DAG1: variants seen among roughly 807,000 people sequenced by gnomAD.
The protein encoded by DAG1 is dystroglycan 1.
Under a neutral mutation model 46.1 loss-of-function variants are expected in DAG1, and 8 were observed. The observed-to-expected ratio is 0.17, with a 90% CI of 0.10 to 0.31. DAG1 has a LOEUF of 0.31. DAG1 is among the 10% of genes least tolerant of loss of function. DAG1 has a pLI of 1.00. For synonymous variants in DAG1, 495 were observed against 481.8 expected (o/e 1.03, Z -0.36); for missense variants, 1,003 against 1,189.9 (o/e 0.84, Z 2.31).
intron 1 of DAG1, among the ~76,000 whole-genome samples, chr3:49,505,678 CT>C (rs1353620684): frequency 1.3e-5 from 2 of 149,350 alleles, no homozygotes. Flanking sequence ...GTATGCCAAA[CT>C]TTTTTTTTTG....
chr3:49,489,583 A>G (rs548167551), intron 1 of DAG1, among the ~76,000 whole-genome samples: 1 of 151,982 alleles, frequency 6.6e-6, no homozygotes, highest in Non-Finnish European at 1.5e-5. Context: ...TTTTTCCTCT[A>G]GGAGGGAAGG....
chr3:49,528,502 C>G (rs1004570717), intron 2 of DAG1, among the ~76,000 whole-genome samples: 1 of 151,782 alleles, frequency 6.6e-6, no homozygotes, highest in African/African-American at 2.4e-5. Flanking sequence ...CCAGGCTGGT[C>G]TCAAACTCCT....
chr3:49,506,025 G>T (rs1290817515), intron 1 of DAG1, among the ~76,000 whole-genome samples: 1 of 148,852 alleles, frequency 6.7e-6, no homozygotes, highest in African/African-American at 2.5e-5. Flanking sequence ...TGTTGCCCAG[G>T]CTGGAGTGCA....
chr3:49,470,308 TCG>T lies in DAG1; in HGVS notation c.-238_-237del, dbSNP rs1041963885. The T allele has an allele frequency of 1.3e-5, 2 of 152,080 alleles. No homozygotes were observed. Among genetic ancestry groups the T allele is most frequent in the African/African-American group, 4.8e-5 (2 of 41,406 alleles). 9.4% of individuals were successfully genotyped at this position (152,080 alleles called of 1,614,324 possible). The stretch of plus-strand genomic sequence containing the variant: ...TCGCGCGAAGGCTGCGGCGCGGCGC[TCG>T]CGCCTCTTAGGCTTGGCGGTGGCGG... On this transcript the variant is annotated 5_prime_UTR_variant, in exon 1 of 3. Transcript: ENST00000308775.
At chr3:49,511,354 A>T (rs944333341) in intron 2 of DAG1, among the ~76,000 whole-genome samples, 2 of 152,160 alleles carry the variant, frequency 1.3e-5, no homozygotes, top group African/African-American at 4.8e-5. Context: ...GCCCGTGTAG[A>T]GAAGAGTGTC....
intron 1 of DAG1, among the ~76,000 whole-genome samples, chr3:49,503,722 G>A (rs1050078380): frequency 2.0e-5 from 3 of 152,126 alleles, no homozygotes; most frequent in South Asian, 2.1e-4. Flanking sequence ...CAGCTATTTC[G>A]GAAGCTGAGG....
At chr3:49,472,536 G>A (rs2049550816) in intron 1 of DAG1, among the ~76,000 whole-genome samples, 2 of 152,116 alleles carry the variant, frequency 1.3e-5, no homozygotes, top group Admixed American at 1.3e-4. Context: ...CGCCGGGCAT[G>A]GTGGCTCCCA....
chr3:49,502,251 G>A (rs1219102847), intron 1 of DAG1, among the ~76,000 whole-genome samples: 2 of 152,302 alleles, frequency 1.3e-5, no homozygotes, highest in Admixed American at 6.5e-5. Context: ...CAGAGTACTG[G>A]GACTGCTGGT....
At chr3:49,505,666 C>T (rs750833228) in intron 1 of DAG1, among the ~76,000 whole-genome samples, 1 of 151,962 alleles carries the variant, frequency 6.6e-6, no homozygotes, top group Non-Finnish European at 1.5e-5. Flanking sequence ...CTTTTCCAAT[C>T]TGTATGCCAA....
chr3:49,489,885 C>A (rs935594015), intron 1 of DAG1, among the ~76,000 whole-genome samples: 2 of 151,056 alleles, frequency 1.3e-5, no homozygotes, highest in African/African-American at 4.9e-5. Flanking sequence ...CTGGACAAAG[C>A]GCTGGGGTTT....
At chr3:49,530,631 G>A (rs2051312754) in intron 2 of DAG1, among the ~76,000 whole-genome samples, 166 bp from the exon 3 acceptor site, 1 of 152,168 alleles carries the variant, frequency 6.6e-6, no homozygotes, top group Non-Finnish European at 1.5e-5. Flanking sequence ...CTTGTGACAG[G>A]TAAATAAACT....
upstream of DAG1, among the ~76,000 whole-genome samples, chr3:49,469,693 C>T (rs1479320361): frequency 6.6e-6 from 1 of 152,210 alleles, no homozygotes; most frequent in Non-Finnish European, 1.5e-5. Flanking sequence ...TCCCTGGCCT[C>T]AGTCTCCCAT....
Position 49,532,307 on chromosome 3 carries a change from C to T in DAG1, c.1796C>T (p.Pro599Leu), listed in dbSNP as rs1391953022. 1.2e-6 allele frequency: 2 copies of T among 1,614,162 alleles called. No homozygotes were observed. The highest frequency in any genetic ancestry group is 1.1e-5 in the South Asian group (1 of 91,086). Residue 599 changes from proline to leucine, a missense_variant, in exon 3 of 3, where the codon CCC (proline) becomes CTC (leucine). Pro to Leu is a moderately conservative substitution (Grantham distance 98). Around this residue, in one of 3 missense-constraint regions of DAG1, gnomAD observed 755 missense variants for 854.1 expected, o/e 0.88. Transcript: ENST00000308775. This position sits in a 1 kb window ranked among gnomAD's most constrained non-coding sequence, Gnocchi z 5.4. ...DAFEIHVHRRPQGDRAPARFK... is the reference protein window; with the variant it reads ...DAFEIHVHRRLQGDRAPARFK... ...TTCGAGATCCACGTCCACAGGCGCC[C>T]CCAAGGGGATAGGGCTCCTGCAAGG...
intron 1 of DAG1, among the ~76,000 whole-genome samples, chr3:49,504,740 G>A (rs1298284790): frequency 3.4e-5 from 5 of 145,408 alleles, no homozygotes; most frequent in African/African-American, 7.6e-5. Context: ...GACTACAGGC[G>A]CCCGCTACCA....
Position 49,483,346 on chromosome 3 carries a change from C to T in DAG1, c.-117+12913C>T, listed in dbSNP as rs552037649. ...AGCCTCCCAAGTAGCTGGAATGATA[C>T]ACCATGCGCCACCACACCTGGCTAA... On this transcript the variant is annotated intron_variant, in intron 1 of 2. Transcript: ENST00000308775. Among the ~76,000 whole-genome samples the T allele has an allele frequency of 2.6e-5, 4 of 151,890 alleles. 1 individual carries two copies. Among genetic ancestry groups the T allele is most frequent in the East Asian group, 1.9e-4 (1 of 5,164 alleles).
chr3:49,484,615 A>G (rs1238669788), intron 1 of DAG1, among the ~76,000 whole-genome samples: 1 of 151,958 alleles, frequency 6.6e-6, no homozygotes, highest in African/African-American at 2.4e-5. Flanking sequence ...GAGGGGGTGG[A>G]GGAATGTCCT....
In DAG1 at chr3:49,532,315, G is replaced by C; in HGVS notation, c.1804G>C (p.Asp602His). 2 of 1,614,186 alleles carry C rather than the reference G, an allele frequency of 1.2e-6. No individual in the cohort carries two copies. Among genetic ancestry groups the C allele is most frequent in the Non-Finnish European group, 1.7e-6 (2 of 1,180,044 alleles). The change falls in exon 3 of 3, where the codon GAT becomes CAT. Residue 602 changes from aspartate to histidine, a missense_variant. Around this residue, in one of 3 missense-constraint regions of DAG1, gnomAD observed 755 missense variants for 854.1 expected, o/e 0.88. Transcript: ENST00000308775. The surrounding 1 kb of genome is among the most constrained non-coding windows in gnomAD (Gnocchi z 5.4). ...EIHVHRRPQG[D>H]RAPARFKAKF... is the part of the protein sequence containing the mutation. ...CCACGTCCACAGGCGCCCCCAAGGG[G>C]ATAGGGCTCCTGCAAGGTTCAAGGC...
intron 1 of DAG1, among the ~76,000 whole-genome samples, chr3:49,492,336 A>C (rs1483496548): frequency 1.3e-5 from 2 of 152,222 alleles, no homozygotes; most frequent in Non-Finnish European, 2.9e-5. Context: ...ACCTTTAAGT[A>C]GTTAGCTGCC....
Position 49,521,134 on chromosome 3 carries a change from G to GT in DAG1, c.286-9654dup, listed in dbSNP as rs1005248284. Among the ~76,000 whole-genome samples, 50 of 150,956 alleles carry GT rather than the reference G, an allele frequency of 3.3e-4. 2 individuals carry two copies. In the South Asian group the frequency reaches 5.2e-3, roughly 16 times the overall value. On this transcript the variant is annotated intron_variant, in intron 2 of 2. Transcript: ENST00000308775. ...AGAGACTTTGCTTGAGTTTCATGGT[G>GT]TTTTTTTTTGTTTTGTTTTTTTGTT...
Sources: allele counts gnomAD v4.1 joint callset (sites outside exome capture counted in the v4.1 genomes callset), GRCh38; gene constraint gnomAD v4.1.1; regional missense constraint gnomAD v4.1.1; non-coding constraint Gnocchi (gnomAD v3.1); transcripts MANE v1.5; gene names NCBI Gene and HGNC (gene_info 2026-07-23, HGNC 2026-07-21).